Variants in ARHGAP28 observed in about 807,000 individuals in gnomAD.
The protein encoded by ARHGAP28 is Rho GTPase activating protein 28.
Under a neutral mutation model 90.7 loss-of-function variants are expected in ARHGAP28, and 56 were observed. The ratio of observed to expected loss-of-function variants is 0.62; its 90% CI spans 0.50 to 0.77. The LOEUF is 0.77. Ranked by LOEUF, ARHGAP28 falls within the 30% of genes least tolerant of loss-of-function variation. ARHGAP28 has a pLI of 0.00. For missense variants in ARHGAP28, 869 were observed against 900.9 expected, an observed-to-expected ratio of 0.96 and a Z score of 0.45; for synonymous variants, 308 against 323.3, an observed-to-expected ratio of 0.95 and a Z score of 0.51.
chr18:6,752,552 T>C (rs2056077920), intron 1 of ARHGAP28, among the ~76,000 whole-genome samples: 1 of 152,234 alleles, frequency 6.6e-6, no homozygotes, highest in Non-Finnish European at 1.5e-5. Flanking sequence ...GTGTCTTCAG[T>C]GCAAACCTCA....
intron 1 of ARHGAP28, among the ~76,000 whole-genome samples, chr18:6,794,923 T>C (rs942512224): frequency 6.6e-6 from 1 of 152,132 alleles, no homozygotes; most frequent in Non-Finnish European, 1.5e-5. Context: ...GCTCAAGTGC[T>C]CCACCCGCCT....
chr18:6,788,501 G>C (rs182151444), intron 1 of ARHGAP28: 2 of 151,176 alleles, frequency 1.3e-5, no homozygotes, highest in Non-Finnish European at 2.9e-5. Flanking sequence ...TTGCTCTGTC[G>C]CCCAGGCTGG....
At chr18:6,880,550 T>C (rs1263394186) in intron 10 of ARHGAP28, among the ~76,000 whole-genome samples, 3 of 152,238 alleles carry the variant, frequency 2.0e-5, no homozygotes, top group Non-Finnish European at 4.4e-5. Context: ...GCCTACAGCG[T>C]GAAGGCTAGT....
At chr18:6,905,748 T>C (rs983977276) in intron 16 of ARHGAP28, among the ~76,000 whole-genome samples, 14 of 152,118 alleles carry the variant, frequency 9.2e-5, no homozygotes, top group Non-Finnish European at 4.4e-5. Flanking sequence ...TTGGAACATG[T>C]GGAAACCAAA....
At chr18:6,827,102 C>G (rs369587990) in intron 2 of ARHGAP28, among the ~76,000 whole-genome samples, 15 of 152,320 alleles carry the variant, frequency 9.8e-5, no homozygotes, top group East Asian at 3.9e-4. Flanking sequence ...TACACAGACA[C>G]GGCAACCATC....
At chr18:6,818,104 T>C (rs534871256) in intron 1 of ARHGAP28, among the ~76,000 whole-genome samples, 109 of 152,302 alleles carry the variant, frequency 7.2e-4, no homozygotes, top group African/African-American at 2.5e-3. Context: ...TATTCACTCC[T>C]CGTAACAGCC....
At chr18:6,753,658 G>A (rs974376234) in intron 1 of ARHGAP28, among the ~76,000 whole-genome samples, 2 of 152,190 alleles carry the variant, frequency 1.3e-5, no homozygotes, top group African/African-American at 4.8e-5. Flanking sequence ...ATAATATTTG[G>A]TGAAATTAGA....
intron 1 of ARHGAP28, among the ~76,000 whole-genome samples, chr18:6,775,922 G>A (rs546056862): frequency 6.6e-6 from 1 of 152,236 alleles, no homozygotes; most frequent in East Asian, 1.9e-4. Flanking sequence ...ACAAGGTAGG[G>A]CTCATGTTTA....
intron 1 of ARHGAP28, among the ~76,000 whole-genome samples, chr18:6,796,296 C>T (rs531226736): frequency 3.7e-4 from 56 of 151,954 alleles, no homozygotes; most frequent in Non-Finnish European, 6.2e-4. Context: ...TTTTTCAGAG[C>T]GTATTGAGAC....
intron 4 of ARHGAP28, among the ~76,000 whole-genome samples, chr18:6,856,064 C>G (rs1439319840): frequency 2.6e-5 from 4 of 152,170 alleles, no homozygotes; most frequent in African/African-American, 4.8e-5. Context: ...GCGGAATGAA[C>G]CCAGTGGGCC....
chr18:6,877,565 T>C (rs1473431036), intron 10 of ARHGAP28, among the ~76,000 whole-genome samples: 1 of 152,104 alleles, frequency 6.6e-6, no homozygotes, highest in Non-Finnish European at 1.5e-5. Flanking sequence ...TGAAGCGAGG[T>C]CGGAGCAGGG....
intron 1 of ARHGAP28, among the ~76,000 whole-genome samples, chr18:6,762,998 T>C (rs1363019830): frequency 6.6e-6 from 1 of 152,188 alleles, no homozygotes; most frequent in Non-Finnish European, 1.5e-5. Context: ...CTGATTGGCA[T>C]AACAACACCA....
intron 3 of ARHGAP28, among the ~76,000 whole-genome samples, chr18:6,842,264 G>A (rs543219177): frequency 6.6e-6 from 1 of 152,278 alleles, no homozygotes; most frequent in East Asian, 1.9e-4. Context: ...CTACTCAGGA[G>A]GCTGAGGTGG....
At chr18:6,840,799 T>C (rs1271820534) in intron 3 of ARHGAP28, among the ~76,000 whole-genome samples, 1 of 152,176 alleles carries the variant, frequency 6.6e-6, no homozygotes, top group Non-Finnish European at 1.5e-5. Context: ...TGTGCTGTCT[T>C]GGAAAATAGC....
In ARHGAP28 at chr18:6,866,309, T is replaced by G. The variant is rs1411112124; in HGVS notation, c.727-1841T>G. The stretch of plus-strand genomic sequence containing the variant: ...CTGACTCTCCTGATTAATTTATTTC[T>G]TATGTTTTTCTAATACCATGACTTG... On this transcript the variant is annotated intron_variant, in intron 5 of 17. Transcript: ENST00000383472. Among the ~76,000 whole-genome samples, 7 of 152,338 alleles carry G rather than the reference T, an allele frequency of 4.6e-5. No individual in the cohort carries two copies. In the South Asian group the frequency reaches 1.0e-3, roughly 23 times the overall value.
At chr18:6,747,318 G>A (rs1233906075) in intron 1 of ARHGAP28, among the ~76,000 whole-genome samples, 1 of 152,124 alleles carries the variant, frequency 6.6e-6, no homozygotes, top group Non-Finnish European at 1.5e-5. Flanking sequence ...GTCTATAGAT[G>A]AAGGTAGACG....
intron 10 of ARHGAP28, among the ~76,000 whole-genome samples, chr18:6,881,089 G>T (rs1178297860): frequency 6.6e-6 from 1 of 152,190 alleles, no homozygotes; most frequent in Non-Finnish European, 1.5e-5. Context: ...TCAGAATCAT[G>T]CGTATCTCTG....
At chr18:6,823,313 C>T (rs147562579) in intron 1 of ARHGAP28, among the ~76,000 whole-genome samples, 184 of 152,034 alleles carry the variant, frequency 1.2e-3, no homozygotes, top group African/African-American at 4.4e-3. Context: ...ATCTAGTATT[C>T]GTCTTTTTGT....
chr18:6,804,731 A>G (rs886558482), intron 1 of ARHGAP28, among the ~76,000 whole-genome samples: 5 of 152,154 alleles, frequency 3.3e-5, no homozygotes, highest in South Asian at 4.1e-4. Flanking sequence ...TCTTTCCATT[A>G]TAGATTTGTA....
Sources: allele counts gnomAD v4.1 joint callset (sites outside exome capture counted in the v4.1 genomes callset), GRCh38; gene constraint gnomAD v4.1.1; transcripts MANE v1.5; gene names NCBI Gene and HGNC (gene_info 2026-07-23, HGNC 2026-07-21).